Variants in STIM2 observed in about 807,000 individuals in gnomAD.
The protein encoded by STIM2 is stromal interaction molecule 2.
A neutral mutation model predicts 85.8 loss-of-function variants in STIM2; 31 were observed. The observed-to-expected ratio is 0.36, with a 90% CI of 0.27 to 0.49. The LOEUF (loss-of-function observed/expected upper bound fraction) is 0.49, where lower values mean the gene tolerates loss of function less well. Among genes scored for constraint, STIM2 ranks in the 20% least tolerant of loss-of-function variants. The pLI is 0.98. For missense variants in STIM2, 841 were observed against 927.6 expected, an observed-to-expected ratio of 0.91 and a Z score of 1.21; for synonymous variants, 356 against 331.1, an observed-to-expected ratio of 1.08 and a Z score of -0.82.
At chr4:26,909,034 G>A (rs1724233369) in intron 1 of STIM2, among the ~76,000 whole-genome samples, 1 of 152,178 alleles carries the variant, frequency 6.6e-6, no homozygotes, top group Admixed American at 6.5e-5. Context: ...AGCTATGATT[G>A]CGCCACTGTG....
chr4:26,999,528 G>A (rs1323315903), intron 5 of STIM2, among the ~76,000 whole-genome samples, 181 bp downstream of exon 5: 1 of 152,158 alleles, frequency 6.6e-6, no homozygotes, highest in African/African-American at 2.4e-5. Flanking sequence ...ATTGAAACAT[G>A]AGTGTGAAAT....
intron 11 of STIM2, chr4:27,021,409 A>T: frequency 4.5e-6 from 2 of 449,388 alleles, no homozygotes; most frequent in Non-Finnish European, 9.0e-6. Context: ...GAAGTAAGCC[A>T]CGTGGAGATG....
chr4:26,919,631 T>A lies in STIM2; in HGVS notation c.279T>A (p.Asp93Glu). 6.2e-7 allele frequency: 1 copy of A among 1,613,476 alleles called. No homozygotes were observed. Among genetic ancestry groups the A allele is most frequent in the Non-Finnish European group, 8.5e-7 (1 of 1,179,592 alleles). ...GTGGAATTGAAGTAGAGGAAAGTGA[T>A]GAAGTAGGTGGAAAAATGTTTTCCT... Residue 93 changes from aspartate to glutamate, a missense_variant, in exon 2 of 12, where the codon GAT becomes GAA. Physicochemically the swap from Asp to Glu is conservative, Grantham distance 45. Around this residue, in one of 3 missense-constraint regions of STIM2, gnomAD observed 408 missense variants for 525.4 expected, o/e 0.78. Coordinates refer to ENST00000467087, the MANE Select transcript of STIM2 (RefSeq NM_020860.4).
At chr4:26,880,251 T>G (rs1722955030) in intron 1 of STIM2, among the ~76,000 whole-genome samples, 1 of 152,202 alleles carries the variant, frequency 6.6e-6, no homozygotes, top group African/African-American at 2.4e-5. Flanking sequence ...TTCCCACATC[T>G]TGATTGTTCC....
chr4:26,983,625 G>A (rs1485683733), intron 3 of STIM2, among the ~76,000 whole-genome samples: 4 of 152,182 alleles, frequency 2.6e-5, no homozygotes, highest in African/African-American at 9.6e-5. Context: ...AGGTTTACAA[G>A]TTCTGAATGT....
intron 1 of STIM2, among the ~76,000 whole-genome samples, chr4:26,863,044 T>A (rs1203484935): frequency 6.6e-6 from 1 of 152,272 alleles, no homozygotes; most frequent in East Asian, 1.9e-4. Flanking sequence ...TTCAGAAAAT[T>A]TAGTATTTAT....
chr4:26,927,714 T>TTAAAAA (rs1725016158), intron 2 of STIM2, among the ~76,000 whole-genome samples: 2 of 35,686 alleles, frequency 5.6e-5, no homozygotes, highest in Non-Finnish European at 1.2e-4. Flanking sequence ...AAAACTTGAA[T>TTAAAAA]AAAAAAAAAA....
At chr4:26,943,345 A>G (rs188467598) in intron 2 of STIM2, among the ~76,000 whole-genome samples, 7 of 152,268 alleles carry the variant, frequency 4.6e-5, no homozygotes, top group Non-Finnish European at 8.8e-5. Flanking sequence ...TCTAAAGGCA[A>G]TGAGAGGCAG....
At chr4:26,958,215 A>G (rs1054472523) in intron 3 of STIM2, among the ~76,000 whole-genome samples, 2 of 152,134 alleles carry the variant, frequency 1.3e-5, no homozygotes, top group Admixed American at 1.3e-4. Context: ...TAAGTTCTCA[A>G]GGTGTATTAT....
At position 26,860,923 on chromosome 4, in the gene STIM2, C is replaced by T; in HGVS notation, c.-296C>T. The stretch of plus-strand genomic sequence containing the variant: ...AGACGCCGTACCTTTCTACCCCCCA[C>T]CTTTTTTTTTTTTTTTTTTAAATAA... On this transcript the variant is annotated 5_prime_UTR_variant, in exon 1 of 12. Coordinates refer to ENST00000467087, the MANE Select transcript of STIM2 (RefSeq NM_020860.4). The T allele has an allele frequency of 3.5e-6, 3 of 852,108 alleles. No individual in the cohort carries two copies. Among genetic ancestry groups the T allele is most frequent in the South Asian group, 1.9e-5 (1 of 51,388 alleles). The allele number at this position is 852,108 out of a possible 1,614,324, so 52.8% of individuals were successfully genotyped here.
chr4:26,990,290 G>A (rs1727720199), intron 3 of STIM2, among the ~76,000 whole-genome samples: 2 of 152,064 alleles, frequency 1.3e-5, no homozygotes, highest in African/African-American at 2.4e-5. Context: ...AGAGAACCCA[G>A]AAATAAATCC....
chr4:27,006,072 C>G (rs1369336097), intron 7 of STIM2, among the ~76,000 whole-genome samples: 2 of 152,036 alleles, frequency 1.3e-5, no homozygotes, highest in African/African-American at 4.8e-5. Context: ...CACAGCTTAC[C>G]CAACTGACTT....
chr4:26,905,609 G>A, intron 1 of STIM2, among the ~76,000 whole-genome samples: 1 of 152,174 alleles, frequency 6.6e-6, no homozygotes. Flanking sequence ...CTTTCTTACA[G>A]TCTTGGTCGT....
At chr4:26,888,936 C>T (rs1159526384) in intron 1 of STIM2, among the ~76,000 whole-genome samples, 4 of 152,158 alleles carry the variant, frequency 2.6e-5, no homozygotes, top group Admixed American at 6.5e-5. Flanking sequence ...TCTTCTTTGC[C>T]TGTTCATTCT....
intron 5 of STIM2, among the ~76,000 whole-genome samples, chr4:27,001,494 C>T (rs1359243201): frequency 6.6e-6 from 1 of 152,188 alleles, no homozygotes; most frequent in African/African-American, 2.4e-5. Context: ...CAGGCTTTAT[C>T]AGCCTTAGCA....
intron 1 of STIM2, among the ~76,000 whole-genome samples, chr4:26,888,700 T>C (rs927767488): frequency 5.3e-5 from 8 of 152,326 alleles, no homozygotes; most frequent in Non-Finnish European, 1.0e-4. Flanking sequence ...CCAATTTAAG[T>C]AGTCCTTAAA....
chr4:26,966,456 A>G (rs1726721397), intron 3 of STIM2, among the ~76,000 whole-genome samples: 1 of 152,142 alleles, frequency 6.6e-6, no homozygotes, highest in Admixed American at 6.6e-5. Flanking sequence ...TGAGAATGAC[A>G]TTGTCTTCAA....
At chr4:26,969,503 G>A (rs1176258304) in intron 3 of STIM2, among the ~76,000 whole-genome samples, 1 of 152,176 alleles carries the variant, frequency 6.6e-6, no homozygotes, top group Non-Finnish European at 1.5e-5. Context: ...ATAGGTTTCT[G>A]TGTGCTAGCT....
chr4:26,909,127 T>C (rs1724238073), intron 1 of STIM2, among the ~76,000 whole-genome samples: 1 of 152,182 alleles, frequency 6.6e-6, no homozygotes, highest in Non-Finnish European at 1.5e-5. Context: ...AACAGTAATA[T>C]AACAAAAAGC....
Sources: gnomAD v4.1 joint callset for allele counts (sites outside exome capture counted in the v4.1 genomes callset) on GRCh38, gnomAD v4.1.1 for gene constraint, gnomAD v4.1.1 regional missense constraint, MANE v1.5 for transcripts, NCBI Gene and HGNC (gene_info 2026-07-23, HGNC 2026-07-21) for gene names.